The following ZFP82 variants were observed in gnomAD, a reference collection of about 807,000 sequenced individuals.
ZFP82 encodes zinc finger protein 82 homolog.
A neutral mutation model predicts 54.0 loss-of-function variants in ZFP82; 30 were observed. The ratio of observed to expected loss-of-function variants is 0.56; its 90% confidence interval spans 0.42 to 0.75. The LOEUF (loss-of-function observed/expected upper bound fraction) is 0.75. Among genes scored for constraint, ZFP82 ranks in the 30% least tolerant of loss-of-function variants. ZFP82 has a pLI of 0.00. For synonymous variants in ZFP82, 194 were observed against 209.5 expected (o/e 0.93, Z 0.64); for missense variants, 500 against 636.8 (o/e 0.79, Z 2.31).
In ZFP82 at chr19:36,411,363, T is replaced by TA. The variant is rs199723631; in HGVS notation, c.-78-1497dup. Among the ~76,000 whole-genome samples, 724 of 150,544 alleles carry TA rather than the reference T, an allele frequency of 4.8e-3. 10 individuals are homozygous for TA. Among genetic ancestry groups the TA allele is most frequent in the African/African-American group, 0.016 (671 of 41,042 alleles). On this transcript the variant is annotated intron_variant, in intron 1 of 4. Coordinates refer to ENST00000392161, the MANE Select transcript of ZFP82 (RefSeq NM_133466.4). ...GCGAAAACTGGCATGCATGATTCAC[T>TA]AAAAAAAAATAAAATAAAAATAACA...
In ZFP82 at chr19:36,393,598, G is replaced by T. The variant is rs2032243766; in HGVS notation, c.742C>A (p.His248Asn). ...GADLRVHQKM[H>N]IGEKPYECKE... The stretch of plus-strand genomic sequence containing the variant: ...CATTCATAGGGCTTCTCACCAATAT[G>T]CATTTTCTGATGTACTCTAAGATCT... The change falls in exon 5 of 5, where the codon CAT (histidine) becomes AAT (asparagine). Residue 248 changes from histidine (H) to asparagine (N), a missense_variant. Transcript: ENST00000392161. The T allele has an allele frequency of 1.2e-6, 2 of 1,613,974 alleles. No homozygotes were observed. The highest frequency in any genetic ancestry group is 1.7e-6 in the Non-Finnish European group (2 of 1,180,038).
At chr19:36,400,044 T>C (rs1042372560) in intron 4 of ZFP82, among the ~76,000 whole-genome samples, 1 of 152,256 alleles carries the variant, frequency 6.6e-6, no homozygotes, top group Non-Finnish European at 1.5e-5. Context: ...AATAATACTT[T>C]TATGGTATGT....
downstream of ZFP82, among the ~76,000 whole-genome samples, chr19:36,384,942 G>C (rs886296921): frequency 1.3e-5 from 2 of 152,164 alleles, no homozygotes; most frequent in Admixed American, 6.5e-5. Flanking sequence ...TCTATGAATA[G>C]AGTGACATTA....
Position 36,410,442 on chromosome 19 carries a change from T to C in ZFP82, c.-78-575A>G, listed in dbSNP as rs537720206. Among the ~76,000 whole-genome samples the C allele has an allele frequency of 8.8e-4, 134 of 151,788 alleles. 1 individual carries two copies. Among genetic ancestry groups the C allele is most frequent in the South Asian group, 3.5e-3 (17 of 4,806 alleles). On this transcript the variant is annotated intron_variant, in intron 1 of 4. Coordinates refer to ENST00000392161, the MANE Select transcript of ZFP82 (RefSeq NM_133466.4). ...TGGGTGTTATATATGTATGTGTGTG[T>C]GTGTGTGTATATGTGTGTGTATATA...
Position 36,392,862 on chromosome 19 carries a change from A to C in ZFP82, c.1478T>G (p.Leu493Arg), listed in dbSNP as rs1288380236. The change falls in exon 5 of 5, where the codon CTT (leucine) becomes CGT (arginine). Residue 493 changes from leucine to arginine, a missense_variant. Physicochemically the swap from Leu to Arg is moderately radical, Grantham distance 102 (BLOSUM62 -2). Coordinates refer to ENST00000392161, the MANE Select transcript of ZFP82 (RefSeq NM_133466.4). ...CRKAFRLNSS[L>R]IQHLRIHSGE... ...AGAATGAATTCTCAGATGTTGAATA[A>C]GGGATGAATTAAGTCTAAAGGCCTT... is the stretch of plus-strand genomic sequence containing the variant. 2 of 1,613,868 alleles carry C rather than the reference A, an allele frequency of 1.2e-6. No individual in the cohort carries two copies. Among genetic ancestry groups the C allele is most frequent in the Non-Finnish European group, 1.7e-6 (2 of 1,179,828 alleles).
chr19:36,385,516 G>A (rs775359825), downstream of ZFP82, among the ~76,000 whole-genome samples: 3 of 152,190 alleles, frequency 2.0e-5, no homozygotes, highest in Non-Finnish European at 4.4e-5. Flanking sequence ...AAAAAGTTTT[G>A]AACTGGATGT....
In ZFP82 at chr19:36,394,138, T is replaced by C. The variant is rs762875653; in HGVS notation, c.230-28A>G. 2.6e-6 allele frequency: 4 copies of C among 1,566,908 alleles called. No homozygotes were observed. The South Asian group carries it at 4.7e-5, about 18-fold the overall frequency. On this transcript the variant is annotated intron_variant, in intron 4 of 4. Transcript: ENST00000392161. ...AAAATAAAACAAGAAAGCAAACACATGCTGTTTTCTTTTACTAAAAGAAGC... is the reference window on the plus strand; with the variant it reads ...AAAATAAAACAAGAAAGCAAACACACGCTGTTTTCTTTTACTAAAAGAAGC...
chr19:36,383,160 C>A (rs2032078335), exon 2 of ZFP82: 1 of 152,074 alleles, frequency 6.6e-6, no homozygotes, highest in Admixed American at 6.6e-5. Context: ...CATTTCCCAA[C>A]CACATGGCCG....
chr19:36,394,617 G>A (rs2032264878), intron 4 of ZFP82: 1 of 156,202 alleles, frequency 6.4e-6, no homozygotes, highest in Non-Finnish European at 1.4e-5. Context: ...GCTCCCTGGA[G>A]AGGCCTCCTT....
chr19:36,399,741 G>A (rs2032352047), intron 4 of ZFP82, among the ~76,000 whole-genome samples: 1 of 152,122 alleles, frequency 6.6e-6, no homozygotes, highest in Admixed American at 6.5e-5. Context: ...TGAACATTTT[G>A]GAAAACTGGT....
At chr19:36,410,661 C>A (rs1185557505) in intron 1 of ZFP82, among the ~76,000 whole-genome samples, 2 of 151,932 alleles carry the variant, frequency 1.3e-5, no homozygotes, top group African/African-American at 2.4e-5. Flanking sequence ...CACCACCACG[C>A]CTGGCTAATT....
rs1258309696 is a variant in ZFP82, at chr19:36,390,386, G to C, written c.*2355C>G. 4.5e-5 allele frequency: 5 copies of C among 110,014 alleles called. No individual in the cohort carries two copies. The Admixed American group carries it at 4.6e-4, about 10-fold the overall frequency. 6.8% of individuals were successfully genotyped at this position (110,014 alleles called of 1,614,324 possible). A position where few individuals can be genotyped will look rare whatever the true frequency, so the allele number is the denominator to read the frequency against. On this transcript the variant is annotated 3_prime_UTR_variant, in exon 5 of 5. Coordinates refer to ENST00000392161, the MANE Select transcript of ZFP82 (RefSeq NM_133466.4). The stretch of plus-strand genomic sequence containing the variant: ...GTTAAAAAACTAGGCCATTACTTCT[G>C]CAGAATTTCCCAAATTGTGCATTTG...
At chr19:36,386,814 T>G (rs186847639), downstream of ZFP82, among the ~76,000 whole-genome samples, 52 of 152,338 alleles carry the variant, frequency 3.4e-4, no homozygotes, top group African/African-American at 9.1e-4. Context: ...GCAGATGCTG[T>G]AATCCCAGCT....
At chr19:36,402,864 C>T (rs1030334326) in intron 4 of ZFP82, among the ~76,000 whole-genome samples, 5 of 151,152 alleles carry the variant, frequency 3.3e-5, no homozygotes, top group African/African-American at 2.4e-5. Context: ...CATGGCCAGG[C>T]GCGGTGGCTC....
rs1158554741 is a variant in ZFP82 at position 36,391,357 on chromosome 19, A to G, written c.*1384T>C. The G allele has an allele frequency of 6.6e-6, 1 of 152,018 alleles. No homozygotes were observed. The highest frequency in any genetic ancestry group is 2.4e-5 in the African/African-American group (1 of 41,378). The allele number at this position is 152,018 out of a possible 1,614,324, so 9.4% of individuals were successfully genotyped here. ...ATTTAGCATTTTTAAAAAACAATGA[A>G]GTAGTTTAAAAAATTAATGGGGCTT... On this transcript the variant is annotated 3_prime_UTR_variant, in exon 5 of 5. Transcript: ENST00000392161.
At chr19:36,387,512 C>T (rs114946954), downstream of ZFP82, among the ~76,000 whole-genome samples, 313 of 152,244 alleles carry the variant, frequency 2.1e-3, 3 homozygotes, top group African/African-American at 6.9e-3. Flanking sequence ...CATAAGATGA[C>T]GCAGCAAGAA....
At position 36,390,328 on chromosome 19, in the gene ZFP82, T is replaced by G. The variant is rs2032173574; in HGVS notation, c.*2413A>C. Reference sequence around the variant, plus strand: ...CCTTTAAAGTGTAGGATTCCATTTTTGTCTTTTTTTTTTTTTTTTTTGACA... The same window carrying G: ...CCTTTAAAGTGTAGGATTCCATTTTGGTCTTTTTTTTTTTTTTTTTTGACA... On this transcript the variant is annotated 3_prime_UTR_variant, in exon 5 of 5. Transcript: ENST00000392161. 9.0e-6 allele frequency: 1 copy of G among 111,198 alleles called. No individual in the cohort carries two copies. The highest frequency in any genetic ancestry group is 1.9e-5 in the Non-Finnish European group (1 of 52,172). The allele number at this position is 111,198 out of a possible 1,614,324, so 6.9% of individuals were successfully genotyped here.
chr19:36,402,411 G>T (rs1211071605), intron 4 of ZFP82, among the ~76,000 whole-genome samples: 1 of 129,440 alleles, frequency 7.7e-6, no homozygotes, highest in African/African-American at 3.0e-5. Flanking sequence ...GGAGCTTGAA[G>T]TGAGCTGAGA....
intron 4 of ZFP82, among the ~76,000 whole-genome samples, chr19:36,397,709 T>A (rs1470976280): frequency 6.6e-6 from 1 of 151,874 alleles, no homozygotes; most frequent in Non-Finnish European, 1.5e-5. Flanking sequence ...TGCCTCGGCC[T>A]CCCAAGTAGC....
Sources: gnomAD v4.1 joint callset for allele counts (sites outside exome capture counted in the v4.1 genomes callset) on GRCh38, gnomAD v4.1.1 for gene constraint, MANE v1.5 for transcripts, NCBI Gene and HGNC (gene_info 2026-07-23, HGNC 2026-07-21) for gene names.